Variants in DLG2 observed in about 807,000 individuals in gnomAD.
DLG2 encodes the protein discs large MAGUK scaffold protein 2.
Under a neutral mutation model 132.5 loss-of-function variants are expected in DLG2, and 45 were observed. That is an observed-to-expected ratio of 0.34 (90% CI 0.27 to 0.44). The LOEUF (loss-of-function observed/expected upper bound fraction) is 0.44. Among genes scored for constraint, DLG2 ranks in the 20% least tolerant of loss-of-function variants. The pLI is 1.00. For missense variants in DLG2, 1,045 were observed against 1,196.9 expected, an observed-to-expected ratio of 0.87 and a Z score of 1.87; for synonymous variants, 424 against 419.6, an observed-to-expected ratio of 1.01 and a Z score of -0.13.
At chr11:83,501,469 T>C (rs1314298331) in intron 21 of DLG2, among the ~76,000 whole-genome samples, 1 of 152,118 alleles carries the variant, frequency 6.6e-6, no homozygotes, top group African/African-American at 2.4e-5. Context: ...GGAGACCTGG[T>C]TCTCCAGTGC....
intron 3 of DLG2, among the ~76,000 whole-genome samples, chr11:85,370,189 T>G (rs2084868260): frequency 6.6e-6 from 1 of 152,160 alleles, no homozygotes; most frequent in Non-Finnish European, 1.5e-5. Context: ...TTAAAGCAAC[T>G]TACCAAGTTT....
At chr11:83,870,920 G>A (rs1333152874) in intron 16 of DLG2, among the ~76,000 whole-genome samples, 1 of 152,162 alleles carries the variant, frequency 6.6e-6, no homozygotes, top group African/African-American at 2.4e-5. Flanking sequence ...CCGAGGAAAT[G>A]TCATTCTAAT....
chr11:85,283,335 G>C (rs2152756908), intron 4 of DLG2, among the ~76,000 whole-genome samples: 1 of 151,376 alleles, frequency 6.6e-6, no homozygotes, highest in East Asian at 1.9e-4. Flanking sequence ...AAAAATACAG[G>C]AGAATACTTA....
At chr11:85,353,438 C>G (rs2083449357) in intron 3 of DLG2, among the ~76,000 whole-genome samples, 1 of 152,138 alleles carries the variant, frequency 6.6e-6, no homozygotes, top group Admixed American at 6.5e-5. Flanking sequence ...GGCAATTCCT[C>G]AAGGATCTAG....
In DLG2 at chr11:84,694,068, C is replaced by A. The variant is rs987072340; in HGVS notation, c.358-159337G>T. Among the ~76,000 whole-genome samples, 3 of 151,232 alleles carry A rather than the reference C, an allele frequency of 2.0e-5. No individual in the cohort carries two copies. The Admixed American group carries it at 2.0e-4, about 10-fold the overall frequency. ...GAACACAATCCCTTATTCACCTCTG[C>A]ATCATATTATTAATAATTGTCACAT... On this transcript the variant is annotated intron_variant, in intron 6 of 27. Transcript: ENST00000376104.
At chr11:85,426,831 G>A (rs1236742958) in intron 3 of DLG2, among the ~76,000 whole-genome samples, 1 of 152,138 alleles carries the variant, frequency 6.6e-6, no homozygotes, top group African/African-American at 2.4e-5. Context: ...ACTTCTCTGA[G>A]CTAAAGGAGG....
At chr11:84,505,781 G>A (rs2099237490) in intron 7 of DLG2, among the ~76,000 whole-genome samples, 1 of 151,844 alleles carries the variant, frequency 6.6e-6, no homozygotes, top group Non-Finnish European at 1.5e-5. Flanking sequence ...GGACATATGG[G>A]GAACAAGAAA....
chr11:83,491,742 T>C (rs943075807), intron 21 of DLG2, among the ~76,000 whole-genome samples: 5 of 152,064 alleles, frequency 3.3e-5, no homozygotes, highest in African/African-American at 1.2e-4. Flanking sequence ...GTCTGAGATG[T>C]CATACTTATT....
chr11:84,086,231 CAACAATATGAAG>C (rs2096977889), intron 10 of DLG2, among the ~76,000 whole-genome samples: 1 of 151,948 alleles, frequency 6.6e-6, no homozygotes, highest in African/African-American at 2.4e-5. Flanking sequence ...TTTAAATGAA[CAACAATATGAAG>C]AAGTTGTGAG....
At chr11:84,546,133 T>C (rs1290058479) in intron 6 of DLG2, among the ~76,000 whole-genome samples, 2 of 152,116 alleles carry the variant, frequency 1.3e-5, no homozygotes, top group Non-Finnish European at 2.9e-5. Flanking sequence ...AATCTCAAGT[T>C]GAAATGTAGT....
chr11:85,359,820 T>A (rs931617941), intron 3 of DLG2, among the ~76,000 whole-genome samples: 1 of 151,976 alleles, frequency 6.6e-6, no homozygotes, highest in Non-Finnish European at 1.5e-5. Context: ...GAATACATTA[T>A]AGCACAAAAA....
chr11:85,401,492 A>T (rs1326961349), intron 3 of DLG2, among the ~76,000 whole-genome samples: 1 of 152,216 alleles, frequency 6.6e-6, no homozygotes. Flanking sequence ...TGGCTAGGGC[A>T]ATCAGGCAGA....
chr11:84,888,441 A>G (rs75537177), intron 6 of DLG2, among the ~76,000 whole-genome samples: 125 of 152,224 alleles, frequency 8.2e-4, no homozygotes, highest in African/African-American at 2.8e-3. Context: ...AAACAGCACC[A>G]TTCCTACTTT....
At chr11:85,193,117 A>G (rs2080733190) in intron 4 of DLG2, among the ~76,000 whole-genome samples, 1 of 152,098 alleles carries the variant, frequency 6.6e-6, no homozygotes, top group Admixed American at 6.5e-5. Context: ...GGCAGCAATA[A>G]TCTACTTTCT....
chr11:83,886,496 A>G (rs527790008), intron 15 of DLG2, among the ~76,000 whole-genome samples: 83 of 152,308 alleles, frequency 5.4e-4, no homozygotes, highest in African/African-American at 2.0e-3. Context: ...CACAATAATA[A>G]TGGGAGACTT....
intron 5 of DLG2, among the ~76,000 whole-genome samples, chr11:85,115,104 G>A (rs747412301): frequency 5.3e-5 from 8 of 151,588 alleles, no homozygotes; most frequent in Non-Finnish European, 1.0e-4. Context: ...GTGGGGGTGC[G>A]GTATTGAGAA....
intron 7 of DLG2, among the ~76,000 whole-genome samples, chr11:84,429,537 C>T (rs1315105032): frequency 6.6e-6 from 1 of 151,956 alleles, no homozygotes; most frequent in Non-Finnish European, 1.5e-5. Context: ...TGCTAGGTGT[C>T]CAGACCAAAT....
intron 9 of DLG2, among the ~76,000 whole-genome samples, chr11:84,158,643 C>G (rs2095482072): frequency 6.6e-6 from 1 of 152,098 alleles, no homozygotes; most frequent in African/African-American, 2.4e-5. Flanking sequence ...GTGATTATTA[C>G]TTAAATTAAA....
At chr11:84,131,023 C>A (rs566039202) in intron 9 of DLG2, among the ~76,000 whole-genome samples, 1 of 152,000 alleles carries the variant, frequency 6.6e-6, no homozygotes, top group South Asian at 2.1e-4. Context: ...CATAAATAGA[C>A]CAGTATATGT....
Sources: allele counts gnomAD v4.1 joint callset (sites outside exome capture counted in the v4.1 genomes callset), GRCh38; gene constraint gnomAD v4.1.1; transcripts MANE v1.5; gene names NCBI Gene and HGNC (gene_info 2026-07-23, HGNC 2026-07-21).